SEMA3C: variants seen among roughly 807,000 people sequenced by gnomAD.
SEMA3C encodes semaphorin-3C.
A neutral mutation model predicts 89.4 loss-of-function variants in SEMA3C; 47 were observed. The ratio of observed to expected loss-of-function variants is 0.53; its 90% CI spans 0.42 to 0.67. The LOEUF (loss-of-function observed/expected upper bound fraction) is 0.67. Ranked by LOEUF, SEMA3C falls within the 30% of genes least tolerant of loss-of-function variation. The pLI is 0.00. For missense variants in SEMA3C, 839 were observed against 929.1 expected (o/e 0.90, Z 1.26); for synonymous variants, 310 against 320.2 (o/e 0.97, Z 0.34).
intron 14 of SEMA3C, among the ~76,000 whole-genome samples, chr7:80,760,094 T>G (rs1399185554): frequency 2.0e-5 from 3 of 152,172 alleles, no homozygotes; most frequent in Non-Finnish European, 4.4e-5. Context: ...TAAATACACA[T>G]AAGATGTCAT....
At chr7:80,782,486 T>C (rs928531143) in intron 12 of SEMA3C, among the ~76,000 whole-genome samples, 4 of 152,186 alleles carry the variant, frequency 2.6e-5, no homozygotes, top group Admixed American at 2.0e-4. Context: ...TGAGAAAATA[T>C]AAATGAAATG....
At chr7:80,773,424 C>T (rs980595045) in intron 12 of SEMA3C, among the ~76,000 whole-genome samples, 1 of 152,086 alleles carries the variant, frequency 6.6e-6, no homozygotes, top group Non-Finnish European at 1.5e-5. Flanking sequence ...GGAAAATCTT[C>T]TGGAGGGCAA....
chr7:80,751,287 T>C lies in SEMA3C; in HGVS notation c.1693A>G (p.Arg565Gly), dbSNP rs751116363. The C allele has an allele frequency of 6.2e-7, 1 of 1,613,852 alleles. No homozygotes were observed. The highest frequency in any genetic ancestry group is 8.5e-7 in the Non-Finnish European group (1 of 1,179,888). ...TTAATACCTTTTAGATTAAATCCTC[T>C]GCATTGAGTCAGTGGGTTTCCATGT... The part of the protein sequence containing the change: ...VRHGNPLTQC[R>G]GFNLKAYRNA... Residue 565 changes from arginine (R) to glycine (G), a missense_variant, in exon 16 of 18, where the codon AGA becomes GGA. Coordinates refer to ENST00000265361, the MANE Select transcript of SEMA3C (RefSeq NM_006379.5).
At chr7:80,757,212 C>T (rs1788085555) in intron 15 of SEMA3C, among the ~76,000 whole-genome samples, 1 of 152,204 alleles carries the variant, frequency 6.6e-6, no homozygotes, top group Admixed American at 6.5e-5. Flanking sequence ...CATTGGTGCT[C>T]ATGGCTGCTA....
chr7:80,857,939 T>C (rs1790677965), intron 2 of SEMA3C, among the ~76,000 whole-genome samples: 1 of 152,144 alleles, frequency 6.6e-6, no homozygotes, highest in African/African-American at 2.4e-5. Flanking sequence ...ATATTCTATG[T>C]TCATAAAGTG....
At chr7:80,848,452 T>C (rs141149206) in intron 2 of SEMA3C, among the ~76,000 whole-genome samples, 342 of 152,280 alleles carry the variant, frequency 2.2e-3, no homozygotes, top group African/African-American at 7.6e-3. Flanking sequence ...TACTAGACGA[T>C]AACTTGACCA....
intron 2 of SEMA3C, among the ~76,000 whole-genome samples, chr7:80,881,674 C>T (rs1398796570): frequency 1.3e-5 from 2 of 152,144 alleles, no homozygotes; most frequent in Admixed American, 6.5e-5. Context: ...ACTGTGCTTA[C>T]AATTGGCTTC....
chr7:80,820,054 C>CTTTTT (rs768363975), intron 4 of SEMA3C, among the ~76,000 whole-genome samples: 2 of 124,126 alleles, frequency 1.6e-5, no homozygotes, highest in Non-Finnish European at 1.6e-5. Flanking sequence ...ATGTATGCTC[C>CTTTTT]TTTTTTTTTT....
intron 2 of SEMA3C, among the ~76,000 whole-genome samples, chr7:80,885,341 G>C (rs971770833): frequency 6.6e-6 from 1 of 152,116 alleles, no homozygotes; most frequent in African/African-American, 2.4e-5. Context: ...GGATGACTGG[G>C]CTTGGTGGCT....
chr7:80,910,991 G>A (rs1296350621), intron 2 of SEMA3C, among the ~76,000 whole-genome samples: 1 of 151,856 alleles, frequency 6.6e-6, no homozygotes, highest in Non-Finnish European at 1.5e-5. Flanking sequence ...TGACTTGCTC[G>A]CATAGGCACA....
At chr7:80,898,470 G>A (rs1361448552) in intron 2 of SEMA3C, among the ~76,000 whole-genome samples, 1 of 152,034 alleles carries the variant, frequency 6.6e-6, no homozygotes, top group Non-Finnish European at 1.5e-5. Context: ...AATAATAACA[G>A]AAACAAAGAT....
upstream of SEMA3C, chr7:80,919,164 C>A (rs1022160093): frequency 3.0e-6 from 3 of 984,624 alleles, no homozygotes; most frequent in Non-Finnish European, 3.6e-6. Context: ...GCATCACCAC[C>A]GCGCAGCCCC....
In SEMA3C at chr7:80,832,137, T is replaced by C. The variant is rs79563735; in HGVS notation, c.104-3392A>G. Among the ~76,000 whole-genome samples the C allele has an allele frequency of 1.4e-3, 215 of 152,216 alleles. 3 individuals are homozygous for C. In the East Asian group the frequency reaches 0.04, roughly 28 times the overall value. On this transcript the variant is annotated intron_variant, in intron 2 of 17. Coordinates refer to ENST00000265361, the MANE Select transcript of SEMA3C (RefSeq NM_006379.5). ...CTAAAAAGCAAAGCAAAGCAAAGCA[T>C]AGAGATGACTTGGTTGTTAGAAACA...
intron 12 of SEMA3C, among the ~76,000 whole-genome samples, chr7:80,770,258 A>C (rs961454525): frequency 6.6e-6 from 1 of 152,210 alleles, no homozygotes; most frequent in Non-Finnish European, 1.5e-5. Context: ...ATGGCCATAA[A>C]ACTCCCAATT....
At chr7:80,863,078 T>C (rs1383402568) in intron 2 of SEMA3C, among the ~76,000 whole-genome samples, 4 of 152,074 alleles carry the variant, frequency 2.6e-5, no homozygotes, top group South Asian at 4.1e-4. Context: ...AAAATAAAGA[T>C]AAATAGTTGG....
intron 5 of SEMA3C, among the ~76,000 whole-genome samples, chr7:80,815,319 G>A (rs913849218): frequency 2.6e-5 from 4 of 151,966 alleles, no homozygotes; most frequent in Non-Finnish European, 4.4e-5. Flanking sequence ...GAGTCAATTT[G>A]GTCACTGAGG....
At chr7:80,808,355 G>A (rs1471034289) in intron 6 of SEMA3C, among the ~76,000 whole-genome samples, 1 of 152,148 alleles carries the variant, frequency 6.6e-6, no homozygotes, top group East Asian at 1.9e-4. Context: ...TTCTGAAGGT[G>A]AATAAAGTTT....
intron 2 of SEMA3C, among the ~76,000 whole-genome samples, chr7:80,898,138 G>A (rs1043876002): frequency 6.6e-6 from 1 of 152,036 alleles, no homozygotes; most frequent in African/African-American, 2.4e-5. Context: ...GCTGAGGTGG[G>A]CAGATCACCT....
At chr7:80,873,862 A>G (rs1791132582) in intron 2 of SEMA3C, among the ~76,000 whole-genome samples, 1 of 152,260 alleles carries the variant, frequency 6.6e-6, no homozygotes, top group African/African-American at 2.4e-5. Flanking sequence ...TAGAAGCTCT[A>G]GTTAGGATGT....
Sources: allele counts gnomAD v4.1 joint callset (sites outside exome capture counted in the v4.1 genomes callset), GRCh38; gene constraint gnomAD v4.1.1; transcripts MANE v1.5; gene names NCBI Gene and HGNC (gene_info 2026-07-23, HGNC 2026-07-21).